The following CNTN5 variants were observed in gnomAD, a reference collection of about 807,000 sequenced individuals.
CNTN5 encodes the protein contactin 5, also known as contactin-5.
In CNTN5, 77 loss-of-function variants were observed where a neutral mutation model predicts 129.1. The observed-to-expected ratio is 0.60, with a 90% CI of 0.50 to 0.72. CNTN5 has a LOEUF of 0.72. Ranked by LOEUF, CNTN5 falls within the 30% of genes least tolerant of loss-of-function variation. CNTN5 has a pLI of 0.00. For synonymous variants in CNTN5, 509 were observed against 465.6 expected (o/e 1.09, Z -1.20); for missense variants, 1,478 against 1,328.8 (o/e 1.11, Z -1.75).
intron 9 of CNTN5, among the ~76,000 whole-genome samples, chr11:100,042,661 C>T (rs1254727101): frequency 1.3e-5 from 2 of 152,158 alleles, no homozygotes; most frequent in African/African-American, 4.8e-5. Flanking sequence ...CAACAATGGC[C>T]AAAGTTCATC....
At chr11:100,184,670 C>G (rs1231261801) in intron 13 of CNTN5, among the ~76,000 whole-genome samples, 2 of 152,130 alleles carry the variant, frequency 1.3e-5, no homozygotes, top group African/African-American at 4.8e-5. Context: ...AAGCCCACCC[C>G]CCCAGACTTC....
chr11:99,930,782 A>AACAC (rs1443464955), intron 7 of CNTN5, among the ~76,000 whole-genome samples: 2 of 73,792 alleles, frequency 2.7e-5, no homozygotes, highest in Admixed American at 1.8e-4. Context: ...GATAAAAATA[A>AACAC]ACACATACAC....
intron 9 of CNTN5, among the ~76,000 whole-genome samples, chr11:100,036,237 T>C (rs1233612408): frequency 1.3e-5 from 2 of 152,184 alleles, no homozygotes; most frequent in African/African-American, 4.8e-5. Flanking sequence ...CCTTTCCCCA[T>C]TGCTTGTTTT....
chr11:100,080,076 A>G (rs188438063), intron 13 of CNTN5, among the ~76,000 whole-genome samples: 3 of 152,298 alleles, frequency 2.0e-5, no homozygotes, highest in Admixed American at 6.5e-5. Context: ...TTTCCTTTCC[A>G]TAAGTGCATA....
intron 1 of CNTN5, among the ~76,000 whole-genome samples, chr11:99,024,924 T>C (rs918693875): frequency 6.6e-6 from 1 of 151,998 alleles, no homozygotes; most frequent in Non-Finnish European, 1.5e-5. Context: ...TTGTGATCAC[T>C]GCCATTTTTA....
intron 9 of CNTN5, among the ~76,000 whole-genome samples, chr11:100,056,631 TATATA>T (rs1334531924): frequency 6.6e-6 from 1 of 151,626 alleles, no homozygotes; most frequent in Admixed American, 6.6e-5. Context: ...AAATAAAACT[TATATA>T]AGAAGATACT....
chr11:99,459,286 G>A (rs2656189), intron 2 of CNTN5, among the ~76,000 whole-genome samples: 149,749 of 151,992 alleles, frequency 0.99, 73,814 homozygotes, highest in East Asian at 1. Flanking sequence ...TTAATAGTGG[G>A]GAGTGAGGAA....
chr11:99,408,504 A>AAGAAAGAAAGTT (rs1263526245), intron 2 of CNTN5, among the ~76,000 whole-genome samples: 1 of 136,518 alleles, frequency 7.3e-6, no homozygotes, highest in Non-Finnish European at 1.6e-5. Flanking sequence ...GAAAGAAAGA[A>AAGAAAGAAAGTT]AGTTAGTTCA....
chr11:99,770,173 G>A (rs1035376522), intron 3 of CNTN5, among the ~76,000 whole-genome samples: 2 of 151,980 alleles, frequency 1.3e-5, no homozygotes, highest in East Asian at 3.8e-4. Flanking sequence ...GTCACATTGA[G>A]TTAGTTTAAT....
At position 99,078,482 on chromosome 11, in the gene CNTN5, A is replaced by G. The variant is rs2226649; in HGVS notation, c.-210+57212A>G. On this transcript the variant is annotated intron_variant, in intron 1 of 24. Coordinates refer to ENST00000524871, the MANE Select transcript of CNTN5 (RefSeq NM_014361.4). ...ATCAAAGAGATATCTGGATGCCCAT[A>G]TTTATTGTAGCACTATTCACAATAG... 1.7e-4 allele frequency among the ~76,000 whole-genome samples: 26 copies of G among 152,322 alleles called. No individual in the cohort carries two copies. In the East Asian group the frequency reaches 5.0e-3, roughly 29 times the overall value.
chr11:99,059,901 A>ATAAAGTCATCT (rs1472167939), intron 1 of CNTN5, among the ~76,000 whole-genome samples: 2 of 152,080 alleles, frequency 1.3e-5, no homozygotes, highest in Admixed American at 1.3e-4. Flanking sequence ...ATAATTGCTC[A>ATAAAGTCATCT]TAAAGTCATC....
chr11:99,491,462 C>T (rs914170751), intron 2 of CNTN5, among the ~76,000 whole-genome samples: 4 of 152,206 alleles, frequency 2.6e-5, no homozygotes, highest in Non-Finnish European at 5.9e-5. Context: ...GTAAGCAGAC[C>T]TCTAGCATAG....
chr11:100,162,079 G>GGGCTCA, intron 13 of CNTN5, among the ~76,000 whole-genome samples: 1 of 151,710 alleles, frequency 6.6e-6, no homozygotes, highest in Admixed American at 6.6e-5. Context: ...GGAAGAGTCT[G>GGGCTCA]GGCTCAGGAT....
At chr11:99,149,859 G>C (rs1859963387) in intron 1 of CNTN5, among the ~76,000 whole-genome samples, 1 of 151,908 alleles carries the variant, frequency 6.6e-6, no homozygotes, top group Non-Finnish European at 1.5e-5. Flanking sequence ...ATATTACCTG[G>C]TGTCTTGCAG....
At chr11:99,964,881 A>T (rs1951051592) in intron 8 of CNTN5, among the ~76,000 whole-genome samples, 1 of 152,092 alleles carries the variant, frequency 6.6e-6, no homozygotes, top group Non-Finnish European at 1.5e-5. Flanking sequence ...TTCCTGGTTT[A>T]GTCTTGGGAG....
At chr11:99,592,732 T>G (rs1201826681) in intron 3 of CNTN5, among the ~76,000 whole-genome samples, 2 of 152,230 alleles carry the variant, frequency 1.3e-5, no homozygotes, top group Non-Finnish European at 2.9e-5. Context: ...TTGTTTGTTT[T>G]TTCTTTGTAA....
intron 1 of CNTN5, among the ~76,000 whole-genome samples, chr11:99,031,554 G>C (rs895099061): frequency 6.6e-6 from 1 of 151,784 alleles, no homozygotes; most frequent in Non-Finnish European, 1.5e-5. Flanking sequence ...AAGCAGACAG[G>C]AGAGGGAGCT....
intron 13 of CNTN5, among the ~76,000 whole-genome samples, chr11:100,126,879 G>A (rs1414966254): frequency 6.6e-6 from 1 of 151,908 alleles, no homozygotes; most frequent in Non-Finnish European, 1.5e-5. Flanking sequence ...TAGGTCCTGT[G>A]GGCTATGTAT....
chr11:99,124,011 T>A (rs907396581), intron 1 of CNTN5, among the ~76,000 whole-genome samples: 1 of 152,028 alleles, frequency 6.6e-6, no homozygotes, highest in Admixed American at 6.6e-5. Flanking sequence ...TGTTGCCTAT[T>A]TGGACTCTTT....
Sources: allele counts gnomAD v4.1 joint callset (sites outside exome capture counted in the v4.1 genomes callset), GRCh38; gene constraint gnomAD v4.1.1; transcripts MANE v1.5; gene names NCBI Gene and HGNC (gene_info 2026-07-23, HGNC 2026-07-21).